Variants in KCTD16 observed in about 807,000 individuals in gnomAD.
KCTD16 encodes potassium channel tetramerization domain containing 16.
Under a neutral mutation model 33.2 loss-of-function variants are expected in KCTD16, and 13 were observed. The observed-to-expected ratio is 0.39, with a 90% CI of 0.25 to 0.62. The LOEUF is 0.62. Ranked by LOEUF, KCTD16 falls within the 20% of genes least tolerant of loss-of-function variation. The probability of loss-of-function intolerance (pLI) is 0.50; values close to 1 mark genes in which losing one functional copy is unlikely to be tolerated. For missense variants in KCTD16, 441 were observed against 525.1 expected (o/e 0.84, Z 1.57); for synonymous variants, 197 against 195.3 (o/e 1.01, Z -0.07).
intron 3 of KCTD16, among the ~76,000 whole-genome samples, chr5:144,376,576 G>A (rs542414499): frequency 3.3e-5 from 5 of 152,098 alleles, no homozygotes; most frequent in South Asian, 2.1e-4. Flanking sequence ...GGGAAAGGAC[G>A]GGGTGAGAAA....
chr5:144,456,123 C>T (rs1173444337), intron 3 of KCTD16, among the ~76,000 whole-genome samples: 3 of 151,960 alleles, frequency 2.0e-5, no homozygotes, highest in Admixed American at 1.3e-4. Context: ...GAGCTTAACC[C>T]TTTTCTCTAG....
chr5:144,228,100 A>G (rs1164305885), intron 3 of KCTD16, among the ~76,000 whole-genome samples: 1 of 152,208 alleles, frequency 6.6e-6, no homozygotes, highest in African/African-American at 2.4e-5. Flanking sequence ...AGTCATCACC[A>G]TGTAGAATGT....
chr5:144,341,597 A>G (rs1199504500), intron 3 of KCTD16, among the ~76,000 whole-genome samples: 1 of 152,172 alleles, frequency 6.6e-6, no homozygotes, highest in Non-Finnish European at 1.5e-5. Flanking sequence ...CACCTTCAAA[A>G]GAGTATTCAT....
chr5:144,369,255 G>C (rs1751909227), intron 3 of KCTD16: 1 of 152,110 alleles, frequency 6.6e-6, no homozygotes, highest in Non-Finnish European at 1.5e-5. Context: ...CATGAAATGG[G>C]GTTTTGTGCT....
chr5:144,451,577 C>T (rs928031591), intron 3 of KCTD16, among the ~76,000 whole-genome samples: 25 of 152,086 alleles, frequency 1.6e-4, no homozygotes, highest in African/African-American at 4.8e-4. Flanking sequence ...AGTTTAATCA[C>T]GAATTGTGAA....
At chr5:144,438,108 G>A (rs909761189) in intron 3 of KCTD16, among the ~76,000 whole-genome samples, 2 of 152,048 alleles carry the variant, frequency 1.3e-5, no homozygotes, top group African/African-American at 4.8e-5. Context: ...TTAATTTTAT[G>A]CACTTATTTT....
intron 2 of KCTD16, among the ~76,000 whole-genome samples, chr5:144,176,433 T>C (rs1752509222): frequency 7.0e-6 from 1 of 142,478 alleles, no homozygotes; most frequent in African/African-American, 2.6e-5. Context: ...TCTCGCTCTG[T>C]CGCCCAGGCC....
At chr5:144,361,871 A>T (rs1270109308) in intron 3 of KCTD16, among the ~76,000 whole-genome samples, 1 of 150,942 alleles carries the variant, frequency 6.6e-6, no homozygotes, top group Non-Finnish European at 1.5e-5. Flanking sequence ...CACGTTTTAT[A>T]TATTTTACTT....
rs972671259 is a variant in KCTD16 at position 144,478,856 on chromosome 5, T to A, written c.*4742T>A. ...CTAGGGCAGAATAGATTTTCATGAA[T>A]TCTTTGCCATTTCATCTGCTGTCTG... is the stretch of plus-strand genomic sequence containing the variant. On this transcript the variant is annotated 3_prime_UTR_variant, in exon 4 of 4. Coordinates refer to ENST00000512467, the MANE Select transcript of KCTD16 (RefSeq NM_020768.4). The A allele has an allele frequency of 6.6e-6, 1 of 152,020 alleles. No individual in the cohort carries two copies. Among genetic ancestry groups the A allele is most frequent in the Non-Finnish European group, 1.5e-5 (1 of 67,948 alleles). 9.4% of individuals were successfully genotyped at this position (152,020 alleles called of 1,614,324 possible).
chr5:144,420,845 A>T (rs1753193041), intron 3 of KCTD16, among the ~76,000 whole-genome samples: 1 of 152,208 alleles, frequency 6.6e-6, no homozygotes, highest in Non-Finnish European at 1.5e-5. Flanking sequence ...TTGTGCTCAC[A>T]GATAACCCTC....
chr5:144,216,423 T>C (rs569409829), intron 3 of KCTD16, among the ~76,000 whole-genome samples: 1 of 152,232 alleles, frequency 6.6e-6, no homozygotes, highest in African/African-American at 2.4e-5. Context: ...AAGAAAGTTA[T>C]AATAATTTCC....
chr5:144,431,151 C>A (rs1189255413), intron 3 of KCTD16, among the ~76,000 whole-genome samples: 2 of 152,066 alleles, frequency 1.3e-5, no homozygotes, highest in African/African-American at 2.4e-5. Context: ...TAGAAAAAAA[C>A]TCATTGCATA....
Position 144,279,915 on chromosome 5 carries a change from A to G in KCTD16, c.832+72369A>G, listed in dbSNP as rs914870577. 3.3e-5 allele frequency among the ~76,000 whole-genome samples: 5 copies of G among 152,148 alleles called. No homozygotes were observed. In the East Asian group the frequency reaches 7.7e-4, roughly 23 times the overall value. On this transcript the variant is annotated intron_variant, in intron 3 of 3. Coordinates refer to ENST00000512467, the MANE Select transcript of KCTD16 (RefSeq NM_020768.4). ...GAACCTTACATTTTTTCCCCCATCT[A>G]TTGATATGATTTATATGACTTTCTT...
intron 3 of KCTD16, among the ~76,000 whole-genome samples, chr5:144,302,170 G>C (rs1462041928): frequency 6.6e-6 from 1 of 152,140 alleles, no homozygotes; most frequent in Non-Finnish European, 1.5e-5. Flanking sequence ...ACATTCATAG[G>C]TGATCATTAT....
chr5:144,431,198 G>C (rs1344884157), intron 3 of KCTD16, among the ~76,000 whole-genome samples: 1 of 152,072 alleles, frequency 6.6e-6, no homozygotes, highest in Non-Finnish European at 1.5e-5. Context: ...CTAACTAGCA[G>C]GTAATAGCCT....
intron 3 of KCTD16, among the ~76,000 whole-genome samples, chr5:144,413,622 G>T (rs2126955638): frequency 6.6e-6 from 1 of 152,084 alleles, no homozygotes; most frequent in South Asian, 2.1e-4. Flanking sequence ...AGGAAATCAG[G>T]GACTATAAGA....
chr5:144,394,561 C>A (rs1406813330), intron 3 of KCTD16, among the ~76,000 whole-genome samples: 1 of 152,176 alleles, frequency 6.6e-6, no homozygotes, highest in Non-Finnish European at 1.5e-5. Context: ...ATATCCCCAC[C>A]CAAATCTCAT....
intron 3 of KCTD16, chr5:144,382,937 G>T (rs1449188718): frequency 6.6e-6 from 1 of 152,094 alleles, no homozygotes; most frequent in Non-Finnish European, 1.5e-5. Flanking sequence ...TCCAAATATT[G>T]TTTCCTTTCT....
chr5:144,417,433 T>C (rs1232208509), intron 3 of KCTD16, among the ~76,000 whole-genome samples: 1 of 152,152 alleles, frequency 6.6e-6, no homozygotes, highest in Non-Finnish European at 1.5e-5. Flanking sequence ...GAGAAATGTC[T>C]AGTGAAATTC....
Sources: allele counts gnomAD v4.1 joint callset (sites outside exome capture counted in the v4.1 genomes callset), GRCh38; gene constraint gnomAD v4.1.1; transcripts MANE v1.5; gene names NCBI Gene and HGNC (gene_info 2026-07-23, HGNC 2026-07-21).